NCAM2: variants seen among roughly 807,000 people sequenced by gnomAD.
NCAM2 encodes the protein N-CAM-2.
NCAM2 carries 30 observed loss-of-function variants against 98.1 expected under a neutral mutation model. The observed-to-expected ratio is 0.31, with a 90% CI of 0.23 to 0.41. The LOEUF (loss-of-function observed/expected upper bound fraction) is 0.41. Ranked by LOEUF, NCAM2 falls within the 10% of genes least tolerant of loss-of-function variation. The pLI is 1.00. For missense variants in NCAM2, 867 were observed against 1,005.8 expected, an observed-to-expected ratio of 0.86 and a Z score of 1.87; for synonymous variants, 368 against 342.4, an observed-to-expected ratio of 1.07 and a Z score of -0.83.
At chr21:21,527,146 C>G (rs1043249105) in intron 16 of NCAM2, among the ~76,000 whole-genome samples, 25 of 148,494 alleles carry the variant, frequency 1.7e-4, no homozygotes, top group Non-Finnish European at 3.0e-4. Context: ...GAGTCTCGCT[C>G]TGTTGCCCAG....
intron 1 of NCAM2, among the ~76,000 whole-genome samples, chr21:21,130,291 G>A (rs1452575920): frequency 1.3e-5 from 2 of 152,024 alleles, no homozygotes; most frequent in African/African-American, 2.4e-5. Flanking sequence ...ATCATGCAAA[G>A]GTTATCTTGT....
chr21:21,351,073 C>A (rs62207726), intron 8 of NCAM2, among the ~76,000 whole-genome samples: 9,638 of 135,502 alleles, frequency 0.071, 584 homozygotes, highest in East Asian at 0.31. Flanking sequence ...GAGATCCTGC[C>A]ACTGCACTCC....
At chr21:21,343,545 T>C (rs74919987) in intron 8 of NCAM2, among the ~76,000 whole-genome samples, 1,899 of 152,206 alleles carry the variant, frequency 0.012, 35 homozygotes, top group African/African-American at 0.044. Flanking sequence ...CTTGACATGG[T>C]GTCGAGAGCT....
chr21:21,173,637 C>T (rs547566193), intron 1 of NCAM2, among the ~76,000 whole-genome samples: 5 of 152,250 alleles, frequency 3.3e-5, no homozygotes, highest in African/African-American at 1.2e-4. Context: ...TGCCATAAAA[C>T]CTCTTTTGAG....
chr21:21,394,968 A>G (rs758999529), intron 9 of NCAM2, among the ~76,000 whole-genome samples: 14 of 152,168 alleles, frequency 9.2e-5, no homozygotes, highest in Non-Finnish European at 1.9e-4. Flanking sequence ...TTGACTGAAT[A>G]GCTACTTATA....
At chr21:21,159,402 T>C (rs556718166) in intron 1 of NCAM2, among the ~76,000 whole-genome samples, 66 of 152,276 alleles carry the variant, frequency 4.3e-4, no homozygotes, top group African/African-American at 1.4e-3. Context: ...CAAAACTCAC[T>C]CACTGACTCA....
In NCAM2 at chr21:21,042,940, A is replaced by G. The variant is rs956326218; in HGVS notation, c.55+44322A>G. The stretch of plus-strand genomic sequence containing the variant: ...AAGAAAAGAAAATGTGTGAAATCCA[A>G]ATATCAATATCATCATTCAATTTTG... On this transcript the variant is annotated intron_variant, in intron 1 of 17. Transcript: ENST00000400546. 9.2e-5 allele frequency among the ~76,000 whole-genome samples: 14 copies of G among 152,224 alleles called. No homozygotes were observed. The East Asian group carries it at 1.9e-3, about 21-fold the overall frequency.
intron 9 of NCAM2, among the ~76,000 whole-genome samples, chr21:21,391,309 G>A (rs2076375349): frequency 6.6e-6 from 1 of 151,998 alleles, no homozygotes; most frequent in African/African-American, 2.4e-5. Context: ...AATAAGTCTA[G>A]GGAACCGGAA....
intron 17 of NCAM2, 132 bp from the exon 18 acceptor site, chr21:21,537,714 A>G: frequency 2.3e-6 from 1 of 427,924 alleles, no homozygotes; most frequent in Non-Finnish European, 4.2e-6. Context: ...ATAAAATAGT[A>G]ACTTATTTAG....
chr21:21,532,071 T>C (rs985689597), intron 16 of NCAM2, among the ~76,000 whole-genome samples: 2 of 151,934 alleles, frequency 1.3e-5, no homozygotes, highest in African/African-American at 4.8e-5. Flanking sequence ...GTTTCAAATA[T>C]AGCCAACCAA....
Position 21,286,335 on chromosome 21 carries a change from T to A in NCAM2, c.404T>A (p.Val135Asp), listed in dbSNP as rs1161718685. 10 of 1,612,246 alleles carry A rather than the reference T, an allele frequency of 6.2e-6. No individual in the cohort carries two copies. Among genetic ancestry groups the A allele is most frequent in the Non-Finnish European group, 8.5e-6 (10 of 1,179,074 alleles). ...AAACAAGGAGAAGATGCAGAAGTGG[T>A]TTGCCGAGTTAGCAGTTCACCTGCA... ...EFKQGEDAEVVCRVSSSPAPA... is the reference protein window; with the variant it reads ...EFKQGEDAEVDCRVSSSPAPA... Residue 135 changes from valine (V) to aspartate (D), a missense_variant, in exon 4 of 18, where the codon GTT becomes GAT. By Grantham distance (152) the Val-to-Asp change is radical. Transcript: ENST00000400546.
intron 5 of NCAM2, among the ~76,000 whole-genome samples, chr21:21,293,097 C>T (rs2073354074): frequency 6.6e-6 from 1 of 151,844 alleles, no homozygotes; most frequent in Admixed American, 6.6e-5. Flanking sequence ...CAGTTCCTTC[C>T]CTGGGATACC....
intron 5 of NCAM2, among the ~76,000 whole-genome samples, chr21:21,318,025 T>C (rs1366714032): frequency 1.3e-5 from 2 of 152,136 alleles, no homozygotes; most frequent in African/African-American, 2.4e-5. Context: ...TTGAACTTTT[T>C]CTCCATTAGC....
intron 12 of NCAM2, among the ~76,000 whole-genome samples, chr21:21,433,509 G>C (rs1474893188): frequency 1.3e-5 from 2 of 151,832 alleles, no homozygotes; most frequent in African/African-American, 2.4e-5. Flanking sequence ...GGAGGCTGAG[G>C]CAGGTGGATC....
intron 1 of NCAM2, among the ~76,000 whole-genome samples, chr21:21,084,938 G>A (rs774977250): frequency 1.8e-4 from 27 of 152,020 alleles, no homozygotes; most frequent in Non-Finnish European, 3.5e-4. Flanking sequence ...TGAATGTTGG[G>A]CTTCAATAGT....
intron 1 of NCAM2, among the ~76,000 whole-genome samples, chr21:21,114,794 C>G (rs774366796): frequency 4.4e-4 from 67 of 151,416 alleles, no homozygotes; most frequent in Admixed American, 1.4e-3. Context: ...CAAAACAAAC[C>G]TGATTCGCTC....
intron 5 of NCAM2, among the ~76,000 whole-genome samples, chr21:21,305,182 G>A (rs1282941363): frequency 6.6e-6 from 1 of 152,062 alleles, no homozygotes; most frequent in African/African-American, 2.4e-5. Context: ...GCTGAGCTTG[G>A]TGGTGGGCAC....
intron 14 of NCAM2, among the ~76,000 whole-genome samples, chr21:21,469,439 A>G (rs1325474923): frequency 6.6e-6 from 1 of 152,004 alleles, no homozygotes; most frequent in Non-Finnish European, 1.5e-5. Flanking sequence ...AATTTCTTCA[A>G]CATTTTTTTC....
At chr21:21,433,006 C>G (rs1206185971) in intron 12 of NCAM2, among the ~76,000 whole-genome samples, 1 of 152,132 alleles carries the variant, frequency 6.6e-6, no homozygotes, top group Non-Finnish European at 1.5e-5. Flanking sequence ...TACCTTGACC[C>G]TAACACATAT....
Sources: gnomAD v4.1 joint callset for allele counts (sites outside exome capture counted in the v4.1 genomes callset) on GRCh38, gnomAD v4.1.1 for gene constraint, MANE v1.5 for transcripts, NCBI Gene and HGNC (gene_info 2026-07-23, HGNC 2026-07-21) for gene names.